Variants in ANK3 observed in about 807,000 individuals in gnomAD.
ANK3 encodes ankyrin 3.
Under a neutral mutation model 370.9 loss-of-function variants are expected in ANK3, and 57 were observed. The observed-to-expected ratio is 0.15, with a 90% CI of 0.12 to 0.19. The LOEUF (loss-of-function observed/expected upper bound fraction) is 0.19. Among genes scored for constraint, ANK3 ranks in the 10% least tolerant of loss-of-function variants. ANK3 has a pLI of 1.00. For synonymous variants in ANK3, 1,929 were observed against 1,946.3 expected (o/e 0.99, Z 0.23); for missense variants, 4,439 against 5,302.1 (o/e 0.84, Z 5.06).
chr10:60,680,603 G>T (rs958207003), intron 1 of ANK3, among the ~76,000 whole-genome samples: 1 of 152,124 alleles, frequency 6.6e-6, no homozygotes, highest in Non-Finnish European at 1.5e-5. Context: ...CTATGTACAG[G>T]TAAATGTTTC....
chr10:60,138,060 T>TA (rs1202015619), intron 24 of ANK3, among the ~76,000 whole-genome samples: 2 of 151,744 alleles, frequency 1.3e-5, no homozygotes, highest in Non-Finnish European at 2.9e-5. Flanking sequence ...AAATTCCTAC[T>TA]AAAAAAAAGA....
chr10:60,162,890 C>T (rs1032824298), intron 23 of ANK3, among the ~76,000 whole-genome samples: 12 of 152,144 alleles, frequency 7.9e-5, no homozygotes, highest in Non-Finnish European at 1.3e-4. Flanking sequence ...TTCTTTCGAT[C>T]TGTAACTACA....
chr10:60,401,811 C>T (rs529961758), intron 2 of ANK3, among the ~76,000 whole-genome samples: 6 of 152,154 alleles, frequency 3.9e-5, no homozygotes, highest in African/African-American at 1.4e-4. Flanking sequence ...CTATAAATGG[C>T]CACTTATCAC....
chr10:60,324,066 AAG>A (rs1462932987), intron 1 of ANK3, among the ~76,000 whole-genome samples: 1 of 152,234 alleles, frequency 6.6e-6, no homozygotes, highest in African/African-American at 2.4e-5. Flanking sequence ...GACACAGAAA[AAG>A]AGGTAGTAAC....
intron 2 of ANK3, among the ~76,000 whole-genome samples, chr10:60,586,423 G>A (rs1057466165): frequency 1.3e-5 from 2 of 152,084 alleles, no homozygotes; most frequent in Admixed American, 6.5e-5. Flanking sequence ...TTTTCCAAAC[G>A]GGAGTTTTTT....
intron 18 of ANK3, among the ~76,000 whole-genome samples, chr10:60,175,272 G>A (rs2095897613): frequency 1.3e-5 from 2 of 152,202 alleles, no homozygotes; most frequent in Admixed American, 1.3e-4. Flanking sequence ...GCATGGCCAA[G>A]AAGATTGAAC....
chr10:60,048,545 T>C (rs955671312), intron 42 of ANK3, among the ~76,000 whole-genome samples: 4 of 152,246 alleles, frequency 2.6e-5, no homozygotes, highest in African/African-American at 9.6e-5. Context: ...TATAAAATGG[T>C]GCAGTATTTG....
intron 1 of ANK3, among the ~76,000 whole-genome samples, chr10:60,644,838 T>TAA (rs146950954): frequency 9.2e-6 from 1 of 108,314 alleles, no homozygotes; most frequent in Non-Finnish European, 1.8e-5. Flanking sequence ...TTAATTTAGT[T>TAA]AAAAGAAAAA....
intron 10 of ANK3, among the ~76,000 whole-genome samples, chr10:60,206,293 T>C (rs112802764): frequency 0.037 from 5,518 of 148,708 alleles, 315 homozygotes; most frequent in African/African-American, 0.13. Flanking sequence ...GCCAACACGG[T>C]GAAACCCCAT....
chr10:60,190,091 C>G (rs1297078576), intron 16 of ANK3, among the ~76,000 whole-genome samples: 1 of 152,208 alleles, frequency 6.6e-6, no homozygotes, highest in Non-Finnish European at 1.5e-5. Flanking sequence ...TGCCCATCTA[C>G]TTTTCAGTAC....
At chr10:60,373,275 G>T (rs1370253669) in intron 1 of ANK3, among the ~76,000 whole-genome samples, 2 of 152,172 alleles carry the variant, frequency 1.3e-5, no homozygotes. Flanking sequence ...CTTGTGTGGG[G>T]AGAAGATTTA....
chr10:60,398,420 T>C (rs985737019), intron 2 of ANK3, among the ~76,000 whole-genome samples: 1 of 152,178 alleles, frequency 6.6e-6, no homozygotes, highest in East Asian at 1.9e-4. Context: ...GCTTGGAATA[T>C]TTATGTGTAC....
At chr10:60,409,641 T>C (rs1189054084) in intron 2 of ANK3, among the ~76,000 whole-genome samples, 2 of 152,050 alleles carry the variant, frequency 1.3e-5, no homozygotes, top group African/African-American at 2.4e-5. Context: ...CCATCCAGTC[T>C]CCACTTTGGG....
At chr10:60,115,462 G>A (rs2093019012) in intron 25 of ANK3, among the ~76,000 whole-genome samples, 1 of 152,102 alleles carries the variant, frequency 6.6e-6, no homozygotes, top group African/African-American at 2.4e-5. Context: ...CCAGAAAAAT[G>A]AAATAAAACC....
intron 2 of ANK3, among the ~76,000 whole-genome samples, chr10:60,543,574 T>A (rs1035378222): frequency 6.6e-6 from 1 of 152,034 alleles, no homozygotes; most frequent in African/African-American, 2.4e-5. Context: ...ACACAGGCTA[T>A]CTCTGAAAGG....
chr10:60,390,831 G>T (rs541532451), upstream of ANK3, among the ~76,000 whole-genome samples: 124 of 150,228 alleles, frequency 8.3e-4, no homozygotes, highest in African/African-American at 2.9e-3. Flanking sequence ...AAAATACTTT[G>T]TTAGCATGTG....
intron 2 of ANK3, among the ~76,000 whole-genome samples, chr10:60,448,541 A>T (rs1466678307): frequency 6.6e-6 from 1 of 152,142 alleles, no homozygotes; most frequent in Admixed American, 6.5e-5. Context: ...TATTTACACA[A>T]ATTGTTCCTC....
intron 1 of ANK3, among the ~76,000 whole-genome samples, chr10:60,345,427 T>A (rs1165146907): frequency 6.6e-6 from 1 of 152,164 alleles, no homozygotes; most frequent in Non-Finnish European, 1.5e-5. Context: ...TTTGCAAATA[T>A]AAAGAGTACT....
intron 1 of ANK3, among the ~76,000 whole-genome samples, chr10:60,299,926 T>A (rs1371781858): frequency 1.3e-5 from 2 of 152,186 alleles, no homozygotes; most frequent in Non-Finnish European, 2.9e-5. Context: ...AATTAATACA[T>A]CAGAAAAAGC....
Sources: gnomAD v4.1 joint callset for allele counts (sites outside exome capture counted in the v4.1 genomes callset) on GRCh38, gnomAD v4.1.1 for gene constraint, MANE v1.5 for transcripts, NCBI Gene and HGNC (gene_info 2026-07-23, HGNC 2026-07-21) for gene names.